The following PPARGC1A variants were observed in gnomAD, a reference collection of about 807,000 sequenced individuals.
PPARGC1A encodes the protein PPARG coactivator 1 alpha.
A neutral mutation model predicts 88.7 loss-of-function variants in PPARGC1A; 25 were observed. That is an observed-to-expected ratio of 0.28 (90% confidence interval 0.21 to 0.39). The LOEUF is 0.39. PPARGC1A is among the 10% of genes least tolerant of loss of function. The pLI is 1.00. For synonymous variants in PPARGC1A, 363 were observed against 355.6 expected (o/e 1.02, Z -0.24); for missense variants, 880 against 968.7 (o/e 0.91, Z 1.22).
the PPARGC1A span, among the ~76,000 whole-genome samples, chr4:24,138,393 C>T: frequency 6.6e-6 from 1 of 152,166 alleles, no homozygotes; most frequent in African/African-American, 2.4e-5. Context: ...AGTCCAATTG[C>T]AGTGAAATTA....
the PPARGC1A span, among the ~76,000 whole-genome samples, chr4:24,255,602 T>C: frequency 1.4e-4 from 21 of 152,326 alleles, 2 homozygotes; most frequent in East Asian, 4.0e-3. Context: ...TCCTTGCTGA[T>C]GAGAAGCTAT....
At chr4:23,851,525 G>A (rs962803080) in intron 2 of PPARGC1A, among the ~76,000 whole-genome samples, 4 of 152,100 alleles carry the variant, frequency 2.6e-5, no homozygotes, top group Non-Finnish European at 2.9e-5. Flanking sequence ...GAAAAAACAC[G>A]TGAAAGCAAA....
the PPARGC1A span, among the ~76,000 whole-genome samples, chr4:24,001,633 G>A: frequency 6.6e-6 from 1 of 152,104 alleles, no homozygotes; most frequent in Admixed American, 6.5e-5. Flanking sequence ...TCCTATCACT[G>A]ATTTTTTTTT....
the PPARGC1A span, among the ~76,000 whole-genome samples, chr4:24,245,823 T>C: frequency 6.6e-5 from 10 of 152,086 alleles, no homozygotes; most frequent in Non-Finnish European, 4.4e-5. Flanking sequence ...CATATCCCTA[T>C]TCAGATACTT....
the PPARGC1A span, among the ~76,000 whole-genome samples, chr4:23,913,267 T>TAGAG: frequency 3.6e-4 from 28 of 77,502 alleles, no homozygotes; most frequent in South Asian, 1.0e-3. Context: ...TATATATATA[T>TAGAG]AGAGAGAGAG....
the PPARGC1A span, among the ~76,000 whole-genome samples, chr4:24,191,178 A>G: frequency 1.3e-5 from 2 of 152,226 alleles, no homozygotes; most frequent in Non-Finnish European, 2.9e-5. Context: ...AGCTGTATGT[A>G]TTCTCGGAGC....
At chr4:24,355,106 G>T in the PPARGC1A span, among the ~76,000 whole-genome samples, 1 of 152,294 alleles carries the variant, frequency 6.6e-6, no homozygotes, top group Non-Finnish European at 1.5e-5. Context: ...AGCTATGTTT[G>T]TCACGACATT....
At chr4:23,861,107 C>G (rs546981896) in intron 2 of PPARGC1A, among the ~76,000 whole-genome samples, 1 of 152,296 alleles carries the variant, frequency 6.6e-6, no homozygotes, top group South Asian at 2.1e-4. Context: ...TCCTAACAGC[C>G]CTTTCTCAAT....
the PPARGC1A span, among the ~76,000 whole-genome samples, chr4:24,127,024 T>C: frequency 8.6e-3 from 1,303 of 152,278 alleles, 26 homozygotes; most frequent in African/African-American, 0.03. Context: ...CAGCAGCCAC[T>C]ATGCCTTCCT....
At chr4:24,002,000 C>T in the PPARGC1A span, among the ~76,000 whole-genome samples, 1 of 151,720 alleles carries the variant, frequency 6.6e-6, no homozygotes, top group Non-Finnish European at 1.5e-5. Context: ...ATCAGCCAAA[C>T]ATCCTGGCCG....
intron 2 of PPARGC1A, among the ~76,000 whole-genome samples, chr4:23,832,592 T>C (rs2148555392): frequency 6.8e-6 from 1 of 147,534 alleles, no homozygotes; most frequent in South Asian, 2.2e-4. Flanking sequence ...GCACTATTAT[T>C]TCTTTTTCTT....
At chr4:23,876,547 G>A (rs188138105) in intron 2 of PPARGC1A, among the ~76,000 whole-genome samples, 1 of 152,242 alleles carries the variant, frequency 6.6e-6, no homozygotes, top group African/African-American at 2.4e-5. Context: ...CTGAAGAGAG[G>A]GCTCTGATAA....
At chr4:24,114,621 T>C in the PPARGC1A span, among the ~76,000 whole-genome samples, 36 of 152,260 alleles carry the variant, frequency 2.4e-4, no homozygotes, top group Middle Eastern at 3.4e-3. Context: ...CTGGACAACA[T>C]TTACGCAGGG....
chr4:23,963,642 C>T, the PPARGC1A span, among the ~76,000 whole-genome samples: 1 of 152,122 alleles, frequency 6.6e-6, no homozygotes, highest in Admixed American at 6.6e-5. Context: ...ACAGTTTTAC[C>T]TCAAACCCTA....
intron 2 of PPARGC1A, among the ~76,000 whole-genome samples, chr4:23,867,497 A>T (rs1161317645): frequency 6.6e-6 from 1 of 152,250 alleles, no homozygotes; most frequent in Non-Finnish European, 1.5e-5. Context: ...TGGACTGGGT[A>T]GACTGTCCCG....
the PPARGC1A span, among the ~76,000 whole-genome samples, chr4:24,340,960 A>G: frequency 6.6e-6 from 1 of 152,174 alleles, no homozygotes; most frequent in Non-Finnish European, 1.5e-5. Context: ...ATTTTGGGTT[A>G]TATTGATGGC....
At chr4:23,798,395 TG>T (rs1274310272) in intron 12 of PPARGC1A, among the ~76,000 whole-genome samples, 2 of 152,204 alleles carry the variant, frequency 1.3e-5, no homozygotes, top group Non-Finnish European at 2.9e-5. Flanking sequence ...AATTAATATT[TG>T]TTGAAGGAAT....
the PPARGC1A span, among the ~76,000 whole-genome samples, chr4:24,231,803 C>A: frequency 6.6e-6 from 1 of 151,596 alleles, no homozygotes; most frequent in African/African-American, 2.4e-5. Context: ...TATAATAGTG[C>A]CAGAGTGAAA....
the PPARGC1A span, among the ~76,000 whole-genome samples, chr4:24,282,596 A>G: frequency 6.6e-6 from 1 of 152,206 alleles, no homozygotes; most frequent in Non-Finnish European, 1.5e-5. Flanking sequence ...GCAGCTCTGA[A>G]CATTTCTTAC....
Sources: gnomAD v4.1 joint callset for allele counts (sites outside exome capture counted in the v4.1 genomes callset) on GRCh38, gnomAD v4.1.1 for gene constraint, MANE v1.5 for transcripts, NCBI Gene and HGNC (gene_info 2026-07-23, HGNC 2026-07-21) for gene names.